The following LRMDA variants were observed in gnomAD, a reference collection of about 807,000 sequenced individuals.
The protein encoded by LRMDA is leucine-rich melanocyte differentiation-associated protein.
LRMDA carries 18 observed loss-of-function variants against 29.8 expected under a neutral mutation model. The ratio of observed to expected loss-of-function variants is 0.60; its 90% CI spans 0.42 to 0.90. The LOEUF (loss-of-function observed/expected upper bound fraction) is 0.90, where lower values mean the gene tolerates loss of function less well. Ranked by LOEUF, LRMDA falls within the 40% of genes least tolerant of loss-of-function variation. The pLI, the probability that LRMDA is intolerant of heterozygous loss-of-function variation, is 0.00. For synonymous variants in LRMDA, 125 were observed against 109.4 expected (o/e 1.14, Z -0.89); for missense variants, 273 against 273.9 (o/e 1.00, Z 0.02).
At chr10:76,091,075 C>A (rs1223118497) in intron 5 of LRMDA, among the ~76,000 whole-genome samples, 1 of 152,216 alleles carries the variant, frequency 6.6e-6, no homozygotes, top group Non-Finnish European at 1.5e-5. Context: ...GGTAGATTCA[C>A]TGCTGCTGTT....
At chr10:75,558,398 T>C (rs978311106) in intron 2 of LRMDA, among the ~76,000 whole-genome samples, 1 of 152,124 alleles carries the variant, frequency 6.6e-6, no homozygotes, top group Non-Finnish European at 1.5e-5. Flanking sequence ...TATTCTTCAG[T>C]GTTTACTTGA....
rs1002143161 is a variant in LRMDA, at chr10:76,440,907, A to G, written c.602-116302A>G. Among the ~76,000 whole-genome samples, 7 of 152,328 alleles carry G rather than the reference A, an allele frequency of 4.6e-5. 1 individual carries two copies. The East Asian group carries it at 1.4e-3, about 29-fold the overall frequency. The stretch of plus-strand genomic sequence containing the variant: ...TCCCCTTCATCATGTGTCTATGACA[A>G]TATATTGAACAGAAAATCTCCATCA... On this transcript the variant is annotated intron_variant, in intron 6 of 6. Transcript: ENST00000611255.
intron 5 of LRMDA, among the ~76,000 whole-genome samples, chr10:76,104,527 AGGTCTCCCTGCAGCTCTG>A (rs1355319971): frequency 1.2e-4 from 6 of 50,622 alleles, no homozygotes; most frequent in South Asian, 4.0e-4. Context: ...CTGCAGCTCT[AGGTCTCCCTGCAGCTCTG>A]GGTCTCCCTG....
At chr10:76,018,796 T>G (rs7096956) in intron 2 of LRMDA, among the ~76,000 whole-genome samples, 93,128 of 151,814 alleles carry the variant, frequency 0.61, 28,815 homozygotes, top group South Asian at 0.67. Context: ...TTGATCTCTT[T>G]ACCTCGTGAT....
chr10:75,438,538 GTCC>G, intron 2 of LRMDA, 44 bp downstream of exon 2: 1 of 1,446,754 alleles, frequency 6.9e-7, no homozygotes, highest in Non-Finnish European at 9.5e-7. Context: ...GGGAGGCCCA[GTCC>G]TCCTGGGTAC....
intron 2 of LRMDA, among the ~76,000 whole-genome samples, chr10:75,659,348 C>G (rs1465712740): frequency 9.2e-5 from 14 of 152,192 alleles, no homozygotes; most frequent in Non-Finnish European, 1.3e-4. Context: ...TCCTGCCTCC[C>G]TCCCTTTCCT....
intron 2 of LRMDA, among the ~76,000 whole-genome samples, chr10:75,767,861 A>G (rs1182588244): frequency 2.0e-5 from 3 of 152,212 alleles, no homozygotes; most frequent in Non-Finnish European, 4.4e-5. Flanking sequence ...AAATGTAATC[A>G]CATAGATCCT....
chr10:75,512,692 C>CGGCT (rs1426324238), intron 2 of LRMDA, among the ~76,000 whole-genome samples: 2 of 152,008 alleles, frequency 1.3e-5, no homozygotes, highest in African/African-American at 4.8e-5. Context: ...GGAGCAGCAG[C>CGGCT]GGCTGCGGTG....
chr10:76,455,738 G>A (rs906690894), intron 6 of LRMDA, among the ~76,000 whole-genome samples: 2 of 152,206 alleles, frequency 1.3e-5, no homozygotes, highest in Non-Finnish European at 2.9e-5. Flanking sequence ...GCATAGATGT[G>A]TAGGGGAAGT....
intron 6 of LRMDA, among the ~76,000 whole-genome samples, chr10:76,474,711 AAG>A (rs1244166986): frequency 6.6e-6 from 1 of 151,708 alleles, no homozygotes; most frequent in Non-Finnish European, 1.5e-5. Flanking sequence ...ATAATCAAAA[AAG>A]ATAAATAATA....
At chr10:76,234,609 G>A (rs1053917288) in intron 5 of LRMDA, among the ~76,000 whole-genome samples, 1 of 152,142 alleles carries the variant, frequency 6.6e-6, no homozygotes, top group African/African-American at 2.4e-5. Context: ...GTTTAGTGTA[G>A]TCACCTTCAT....
chr10:75,821,873 C>G (rs142689806), intron 2 of LRMDA, among the ~76,000 whole-genome samples: 52 of 152,190 alleles, frequency 3.4e-4, no homozygotes, highest in African/African-American at 1.2e-3. Context: ...AAACCCAGAG[C>G]CAACATGATA....
intron 6 of LRMDA, among the ~76,000 whole-genome samples, chr10:76,451,414 C>G (rs1842405150): frequency 6.6e-6 from 1 of 151,854 alleles, no homozygotes; most frequent in Admixed American, 6.5e-5. Flanking sequence ...ACCGTGTTTG[C>G]CAGGATGGGC....
intron 2 of LRMDA, among the ~76,000 whole-genome samples, chr10:75,873,688 A>G (rs1176176486): frequency 6.6e-6 from 1 of 152,212 alleles, no homozygotes; most frequent in Non-Finnish European, 1.5e-5. Context: ...AGGGAATACA[A>G]AAGTGCATAA....
chr10:76,168,809 T>C (rs892619001), intron 5 of LRMDA, among the ~76,000 whole-genome samples: 1 of 152,218 alleles, frequency 6.6e-6, no homozygotes, highest in Admixed American at 6.5e-5. Flanking sequence ...TTCTTTTGCT[T>C]TATGTTCTTA....
chr10:76,122,992 G>A (rs1849816142), intron 5 of LRMDA, among the ~76,000 whole-genome samples: 2 of 152,016 alleles, frequency 1.3e-5, no homozygotes, highest in African/African-American at 4.8e-5. Flanking sequence ...CCCAGATCTG[G>A]GCATTTTATT....
chr10:76,329,110 G>T (rs112237234), intron 6 of LRMDA, among the ~76,000 whole-genome samples: 2,064 of 152,238 alleles, frequency 0.014, 28 homozygotes, highest in African/African-American at 0.035. Context: ...GCGTTGCCCT[G>T]CTCCTCCATC....
Position 76,557,725 on chromosome 10 carries a change from G to A in LRMDA, c.*437G>A, listed in dbSNP as rs1843576281. 1 of 170,132 alleles carries A rather than the reference G, an allele frequency of 5.9e-6. No homozygotes were observed. The highest frequency in any genetic ancestry group is 2.4e-5 in the African/African-American group (1 of 41,840). The allele number at this position is 170,132 out of a possible 1,614,324, so 10.5% of individuals were successfully genotyped here. On this transcript the variant is annotated 3_prime_UTR_variant, in exon 7 of 7. Coordinates refer to ENST00000611255, the MANE Select transcript of LRMDA (RefSeq NM_001305581.2). The stretch of plus-strand genomic sequence containing the variant: ...ATTGAAATCCCTCTGATACCATCGT[G>A]CTGTGGGCTTATTTTTAGTGAAATA...
intron 5 of LRMDA, among the ~76,000 whole-genome samples, chr10:76,302,305 C>A (rs16933205): frequency 6.6e-6 from 1 of 152,164 alleles, no homozygotes; most frequent in African/African-American, 2.4e-5. Context: ...TCTTGAGAAC[C>A]AGCATATGGG....
Sources: allele counts gnomAD v4.1 joint callset (sites outside exome capture counted in the v4.1 genomes callset), GRCh38; gene constraint gnomAD v4.1.1; transcripts MANE v1.5; gene names NCBI Gene and HGNC (gene_info 2026-07-23, HGNC 2026-07-21).